Variants in ITIH5 observed in about 807,000 individuals in gnomAD.
ITIH5 encodes inter-alpha-trypsin inhibitor heavy chain 5.
A neutral mutation model predicts 77.5 loss-of-function variants in ITIH5; 65 were observed. The observed-to-expected ratio is 0.84, with a 90% CI of 0.69 to 1.03. The LOEUF is 1.03. ITIH5 is among the 50% of genes least tolerant of loss of function. ITIH5 has a pLI of 0.00. For missense variants in ITIH5, 1,208 were observed against 1,213.1 expected (o/e 1.00, Z 0.06); for synonymous variants, 525 against 494.3 (o/e 1.06, Z -0.82).
At chr10:7,602,930 T>C (rs575201831) in intron 7 of ITIH5, among the ~76,000 whole-genome samples, 1 of 152,288 alleles carries the variant, frequency 6.6e-6, no homozygotes, top group Admixed American at 6.5e-5. Flanking sequence ...ATGCTCTCAT[T>C]CCATGCAGGC....
At chr10:7,579,381 C>T (rs1042637448) in intron 9 of ITIH5, among the ~76,000 whole-genome samples, 6 of 152,244 alleles carry the variant, frequency 3.9e-5, no homozygotes, top group Admixed American at 3.9e-4. Flanking sequence ...CAAAATTAGC[C>T]AGGCGTGGTG....
rs548335123 is a variant in ITIH5 at position 7,576,886 on chromosome 10, C to G, written c.1545G>C (p.Ala515=). The G allele has an allele frequency of 1.9e-6, 3 of 1,614,008 alleles. No individual in the cohort carries two copies. The Admixed American group carries it at 5.0e-5, about 27-fold the overall frequency. ...NYFNGSEIII[A]GKLVDRKLDH... ...CCAGCTTCCTGTCCACCAGCTTCCCCGCAATGATGATCTCCGAGCCGTTGA... is the reference window on the plus strand; with the variant it reads ...CCAGCTTCCTGTCCACCAGCTTCCCGGCAATGATGATCTCCGAGCCGTTGA... Residue 515 remains alanine (A), a synonymous_variant, in exon 10 of 14, where the codon GCG becomes GCC. Coordinates refer to ENST00000397146, the MANE Select transcript of ITIH5 (RefSeq NM_030569.7).
intron 4 of ITIH5, among the ~76,000 whole-genome samples, chr10:7,637,978 C>T (rs1276112853): frequency 2.0e-5 from 3 of 152,186 alleles, no homozygotes; most frequent in African/African-American, 7.2e-5. Flanking sequence ...AAATACACTC[C>T]AGATGCTTTC....
intron 1 of ITIH5, among the ~76,000 whole-genome samples, chr10:7,657,011 G>C (rs1052174246): frequency 4.1e-5 from 6 of 147,914 alleles, no homozygotes; most frequent in African/African-American, 1.3e-4. Context: ...CAAAGTGCTG[G>C]GATTACAGGC....
intron 7 of ITIH5, among the ~76,000 whole-genome samples, chr10:7,587,685 ACAAT>A (rs1327914269): frequency 6.6e-6 from 1 of 152,242 alleles, no homozygotes; most frequent in African/African-American, 2.4e-5. Context: ...GGCCAGCCAC[ACAAT>A]CAGAGTTCTA....
chr10:7,656,529 TAA>T (rs980632083), intron 1 of ITIH5, among the ~76,000 whole-genome samples: 5 of 151,850 alleles, frequency 3.3e-5, no homozygotes, highest in Non-Finnish European at 7.4e-5. Context: ...AGATTTTTTT[TAA>T]AAAAAACTCA....
intron 7 of ITIH5, among the ~76,000 whole-genome samples, chr10:7,600,077 AG>A (rs1414659262): frequency 3.3e-5 from 5 of 152,214 alleles, no homozygotes; most frequent in Admixed American, 6.5e-5. Context: ...AAGGCAGTAG[AG>A]GCTTCTTAGA....
chr10:7,616,901 G>A (rs1243423089), intron 6 of ITIH5, among the ~76,000 whole-genome samples: 1 of 152,164 alleles, frequency 6.6e-6, no homozygotes, highest in Admixed American at 6.5e-5. Context: ...TTATATTACA[G>A]ATTTCACTTG....
intron 1 of ITIH5, among the ~76,000 whole-genome samples, chr10:7,656,970 CT>C (rs1564283601): frequency 6.6e-6 from 1 of 151,192 alleles, no homozygotes; most frequent in Non-Finnish European, 1.5e-5. Flanking sequence ...TCTCGAACTC[CT>C]GACCTCGTGA....
intron 7 of ITIH5, among the ~76,000 whole-genome samples, chr10:7,592,070 T>A (rs1832803490): frequency 6.6e-6 from 1 of 152,000 alleles, no homozygotes; most frequent in Non-Finnish European, 1.5e-5. Flanking sequence ...AGGGTCTCAC[T>A]ATGTTGGCCA....
intron 7 of ITIH5, among the ~76,000 whole-genome samples, chr10:7,599,527 G>A (rs554002415): frequency 3.3e-5 from 5 of 152,184 alleles, no homozygotes; most frequent in East Asian, 1.9e-4. Context: ...CTAGATCCCC[G>A]CATGTTTCAT....
chr10:7,624,819 A>ATG (rs1379946695), intron 5 of ITIH5, among the ~76,000 whole-genome samples: 2 of 137,602 alleles, frequency 1.5e-5, no homozygotes, highest in African/African-American at 5.6e-5. Context: ...ATATACACAT[A>ATG]TATATGTGTA....
Position 7,559,642 on chromosome 10 carries a change from G to T in ITIH5, c.*3441C>A. Reference sequence around the variant, plus strand: ...TGATTTGGTGTCTTAGTCAGCTTGGGCTGCCTTAACAAGAATACCACAGAC... The same window carrying T: ...TGATTTGGTGTCTTAGTCAGCTTGGTCTGCCTTAACAAGAATACCACAGAC... On this transcript the variant is annotated 3_prime_UTR_variant, in exon 14 of 14. Coordinates refer to ENST00000397146, the MANE Select transcript of ITIH5 (RefSeq NM_030569.7). 1 of 297,460 alleles carries T rather than the reference G, an allele frequency of 3.4e-6. No individual in the cohort carries two copies. Among genetic ancestry groups the T allele is most frequent in the Non-Finnish European group, 6.5e-6 (1 of 153,038 alleles). 18.4% of individuals were successfully genotyped at this position (297,460 alleles called of 1,614,324 possible).
At chr10:7,591,044 ACG>A (rs1832784297) in intron 7 of ITIH5, among the ~76,000 whole-genome samples, 2 of 152,104 alleles carry the variant, frequency 1.3e-5, no homozygotes, top group African/African-American at 4.8e-5. Context: ...TTACAGGCAC[ACG>A]CCATCACGCT....
chr10:7,579,243 G>A (rs557422350), intron 9 of ITIH5, among the ~76,000 whole-genome samples: 1 of 152,170 alleles, frequency 6.6e-6, no homozygotes, highest in South Asian at 2.1e-4. Context: ...ATCTTGCTTA[G>A]GGCCGGGTGT....
intron 5 of ITIH5, chr10:7,621,507 C>T (rs904312207): frequency 3.3e-5 from 5 of 152,032 alleles, no homozygotes; most frequent in Admixed American, 6.6e-5. Context: ...TTTTACACAC[C>T]CAAAGAATGG....
intron 2 of ITIH5, among the ~76,000 whole-genome samples, chr10:7,645,931 A>G (rs113145209): frequency 3.9e-5 from 6 of 152,336 alleles, no homozygotes; most frequent in African/African-American, 1.4e-4. Context: ...TAAAGTTAAA[A>G]TTTGTATCTC....
chr10:7,579,528 GAAA>G (rs113401246), intron 9 of ITIH5, among the ~76,000 whole-genome samples: 3 of 138,912 alleles, frequency 2.2e-5, no homozygotes, highest in African/African-American at 7.8e-5. Context: ...TCCATCACAA[GAAA>G]AAAAAAAAAA....
chr10:7,612,675 A>G (rs984701427), intron 7 of ITIH5, among the ~76,000 whole-genome samples: 1 of 139,044 alleles, frequency 7.2e-6, no homozygotes, highest in Admixed American at 7.1e-5. Context: ...TTTTTTTTTT[A>G]GAAAGGAAAA....
Sources: allele counts gnomAD v4.1 joint callset (sites outside exome capture counted in the v4.1 genomes callset), GRCh38; gene constraint gnomAD v4.1.1; transcripts MANE v1.5; gene names NCBI Gene and HGNC (gene_info 2026-07-23, HGNC 2026-07-21).